The following NDST4 variants were observed in gnomAD, a reference collection of about 807,000 sequenced individuals.
NDST4 encodes the protein N-deacetylase and N-sulfotransferase 4.
In NDST4, 63 loss-of-function variants were observed where a neutral mutation model predicts 100.8. That is an observed-to-expected ratio of 0.62 (90% CI 0.51 to 0.77). NDST4 has a LOEUF of 0.77. NDST4 is among the 30% of genes least tolerant of loss of function. The pLI, the probability that NDST4 is intolerant of heterozygous loss-of-function variation, is 0.00. For synonymous variants in NDST4, 377 were observed against 361.8 expected (o/e 1.04, Z -0.48); for missense variants, 943 against 1,018.4 (o/e 0.93, Z 1.01).
intron 2 of NDST4, among the ~76,000 whole-genome samples, chr4:115,005,218 C>A (rs1438360163): frequency 1.3e-5 from 2 of 152,136 alleles, no homozygotes; most frequent in Non-Finnish European, 2.9e-5. Flanking sequence ...ACAATACACA[C>A]AAATGGCCCC....
intron 8 of NDST4, among the ~76,000 whole-genome samples, chr4:114,852,446 C>T (rs911108090): frequency 6.6e-6 from 1 of 152,094 alleles, no homozygotes; most frequent in African/African-American, 2.4e-5. Flanking sequence ...AACTGAGACA[C>T]ATAAGTTCAA....
chr4:114,994,770 C>G (rs150363627), intron 2 of NDST4, among the ~76,000 whole-genome samples: 153 of 152,006 alleles, frequency 1.0e-3, no homozygotes, highest in African/African-American at 3.1e-3. Flanking sequence ...AAAATCTTAT[C>G]CTCTTGGGTT....
chr4:114,939,773 C>T (rs1340643547), intron 4 of NDST4, among the ~76,000 whole-genome samples: 2 of 151,966 alleles, frequency 1.3e-5, no homozygotes, highest in African/African-American at 4.8e-5. Flanking sequence ...TTCTGGGGGC[C>T]CAGTGTTATA....
chr4:114,937,510 C>T lies in NDST4; in HGVS notation c.1222-7G>A. On this transcript the variant is annotated splice_region_variant and splice_polypyrimidine_tract_variant and intron_variant, in intron 4 of 13. Transcript: ENST00000264363. ...TGATTGGTATTCCATGTTCCTAAAA[C>T]AAAGCCAGAACAACATCATGATGGG... The T allele has an allele frequency of 6.5e-7, 1 of 1,537,076 alleles. No individual in the cohort carries two copies. The highest frequency in any genetic ancestry group is 1.8e-4 in the Middle Eastern group (1 of 5,698).
intron 1 of NDST4, among the ~76,000 whole-genome samples, chr4:115,091,908 T>C (rs1424863347): frequency 6.6e-6 from 1 of 152,178 alleles, no homozygotes; most frequent in East Asian, 1.9e-4. Context: ...TTGGTAACTA[T>C]CACTGAATTT....
intron 1 of NDST4, among the ~76,000 whole-genome samples, chr4:115,109,966 T>G (rs1464627903): frequency 6.6e-6 from 1 of 151,932 alleles, no homozygotes; most frequent in African/African-American, 2.4e-5. Flanking sequence ...ACTATTCACA[T>G]TTCAAAAAAA....
At chr4:114,874,811 A>G (rs1410027640) in intron 6 of NDST4, among the ~76,000 whole-genome samples, 5 of 152,258 alleles carry the variant, frequency 3.3e-5, no homozygotes, top group Admixed American at 3.3e-4. Context: ...ATAATTTTTC[A>G]CAGACTTATG....
chr4:115,044,380 C>A (rs748879609), intron 2 of NDST4, among the ~76,000 whole-genome samples: 1 of 151,746 alleles, frequency 6.6e-6, no homozygotes, highest in African/African-American at 2.4e-5. Flanking sequence ...AAGGAAGAAA[C>A]AAGTGAGAAG....
intron 3 of NDST4, among the ~76,000 whole-genome samples, chr4:114,973,713 T>C (rs1196569490): frequency 6.6e-6 from 1 of 151,894 alleles, no homozygotes; most frequent in Non-Finnish European, 1.5e-5. Context: ...TACAGGTTAA[T>C]CTCCTTAAAA....
intron 6 of NDST4, among the ~76,000 whole-genome samples, chr4:114,934,339 C>G (rs938220886): frequency 2.0e-5 from 3 of 151,928 alleles, no homozygotes; most frequent in Admixed American, 6.6e-5. Flanking sequence ...ATCACGAGGT[C>G]AGGAGATCGA....
chr4:115,047,267 AAC>A (rs1728482448), intron 2 of NDST4, among the ~76,000 whole-genome samples: 2 of 152,130 alleles, frequency 1.3e-5, no homozygotes, highest in South Asian at 2.1e-4. Flanking sequence ...ATTGTGTTTT[AAC>A]AGTCAATATA....
intron 2 of NDST4, among the ~76,000 whole-genome samples, chr4:115,004,530 G>A (rs114415407): frequency 6.1e-4 from 93 of 152,176 alleles, no homozygotes; most frequent in Middle Eastern, 3.4e-3. Context: ...TCTGAGCTGC[G>A]GCTGAGAAAA....
chr4:114,950,349 A>T (rs539499123), intron 4 of NDST4, among the ~76,000 whole-genome samples: 1 of 152,234 alleles, frequency 6.6e-6, no homozygotes, highest in South Asian at 2.1e-4. Context: ...CTAAGGGTAT[A>T]GTAGGTCACC....
chr4:114,879,438 G>C (rs1724320757), intron 6 of NDST4, among the ~76,000 whole-genome samples: 1 of 152,224 alleles, frequency 6.6e-6, no homozygotes, highest in East Asian at 1.9e-4. Context: ...GTGATGTCTT[G>C]TTTTTCCCCT....
At chr4:114,947,178 T>C (rs771580265) in intron 4 of NDST4, among the ~76,000 whole-genome samples, 1 of 152,188 alleles carries the variant, frequency 6.6e-6, no homozygotes, top group Non-Finnish European at 1.5e-5. Context: ...AATTAAACAC[T>C]GGTCCAAGAC....
At chr4:115,026,911 T>TAA (rs1442397534) in intron 2 of NDST4, among the ~76,000 whole-genome samples, 2 of 152,132 alleles carry the variant, frequency 1.3e-5, no homozygotes, top group Non-Finnish European at 2.9e-5. Flanking sequence ...TAGAATCACG[T>TAA]AAAAGGCTAC....
At chr4:115,068,808 T>A (rs1409512036) in intron 2 of NDST4, among the ~76,000 whole-genome samples, 14 of 122,390 alleles carry the variant, frequency 1.1e-4, no homozygotes, top group Non-Finnish European at 2.1e-4. Context: ...AGAGCGAGGC[T>A]CCATCTCAAA....
intron 4 of NDST4, among the ~76,000 whole-genome samples, chr4:114,967,531 C>T (rs570989633): frequency 5.3e-4 from 80 of 152,040 alleles, no homozygotes; most frequent in African/African-American, 1.9e-3. Flanking sequence ...TGAAATATAA[C>T]CTATATCCCT....
intron 2 of NDST4, among the ~76,000 whole-genome samples, chr4:115,014,663 G>A (rs759160321): frequency 1.3e-5 from 2 of 152,046 alleles, no homozygotes; most frequent in African/African-American, 4.8e-5. Context: ...CAAATCAATG[G>A]TGCTTGGAGT....
Sources: gnomAD v4.1 joint callset for allele counts (sites outside exome capture counted in the v4.1 genomes callset) on GRCh38, gnomAD v4.1.1 for gene constraint, MANE v1.5 for transcripts, NCBI Gene and HGNC (gene_info 2026-07-23, HGNC 2026-07-21) for gene names.